The following ABHD3 variants were observed in gnomAD, a reference collection of about 807,000 sequenced individuals.
The protein encoded by ABHD3 is abhydrolase domain containing 3, phospholipase.
ABHD3 carries 46 observed loss-of-function variants against 48.8 expected under a neutral mutation model. The ratio of observed to expected loss-of-function variants is 0.94; its 90% CI spans 0.74 to 1.20. The LOEUF (loss-of-function observed/expected upper bound fraction) is 1.20, where lower values mean the gene tolerates loss of function less well. Ranked by LOEUF, ABHD3 falls within the 50% of genes most tolerant of loss-of-function variation. The pLI is 0.00. For synonymous variants in ABHD3, 192 were observed against 183.7 expected (o/e 1.04, Z -0.36); for missense variants, 490 against 497.8 (o/e 0.98, Z 0.15).
intron 8 of ABHD3, 60 bp from the exon 9 acceptor site, chr18:21,651,823 TTA>T: frequency 6.9e-7 from 1 of 1,448,332 alleles, no homozygotes. Flanking sequence ...AATATAATCA[TTA>T]TGTTTTTGTC....
intron 3 of ABHD3, among the ~76,000 whole-genome samples, chr18:21,685,650 T>C (rs2040113836): frequency 6.6e-6 from 1 of 152,212 alleles, no homozygotes; most frequent in South Asian, 2.1e-4. Context: ...TGCCTCAGCC[T>C]GCTGAGTAGC....
chr18:21,679,448 A>G (rs549588282), intron 4 of ABHD3, among the ~76,000 whole-genome samples: 1 of 152,374 alleles, frequency 6.6e-6, no homozygotes, highest in East Asian at 1.9e-4. Flanking sequence ...TTAAATGTAT[A>G]CTTCTTATAC....
chr18:21,674,107 G>T (rs945505563), intron 4 of ABHD3, among the ~76,000 whole-genome samples: 1 of 152,120 alleles, frequency 6.6e-6, no homozygotes, highest in Admixed American at 6.6e-5. Flanking sequence ...TCCTTGAAGT[G>T]TATGGGGAAG....
chr18:21,702,536 G>A, intron 2 of ABHD3, 38 bp from the exon 3 acceptor site: 2 of 1,438,552 alleles, frequency 1.4e-6, no homozygotes, highest in Non-Finnish European at 1.8e-6. Context: ...CTATTTACAT[G>A]TTTTAAGTCA....
intron 1 of ABHD3, among the ~76,000 whole-genome samples, 174 bp downstream of exon 1, chr18:21,704,330 G>A (rs1316393544): frequency 1.3e-5 from 2 of 152,086 alleles, no homozygotes; most frequent in African/African-American, 4.8e-5. Flanking sequence ...CAGGGGGCGG[G>A]CGAACGGGCG....
chr18:21,689,914 G>C (rs964271862), intron 3 of ABHD3, among the ~76,000 whole-genome samples: 79 of 152,236 alleles, frequency 5.2e-4, no homozygotes, highest in African/African-American at 1.8e-3. Flanking sequence ...AGAATCCAGA[G>C]TCTCTACAAT....
At chr18:21,683,326 A>G (rs2040049966) in intron 4 of ABHD3, among the ~76,000 whole-genome samples, 1 of 152,102 alleles carries the variant, frequency 6.6e-6, no homozygotes, top group African/African-American at 2.4e-5. Flanking sequence ...TTAGAGGGGG[A>G]AAAAAAGACC....
intron 4 of ABHD3, among the ~76,000 whole-genome samples, chr18:21,666,041 A>AT (rs1312316060): frequency 2.0e-5 from 3 of 150,766 alleles, no homozygotes; most frequent in African/African-American, 4.9e-5. Flanking sequence ...TATTTTATTT[A>AT]TTTTTTTTGA....
At chr18:21,666,115 C>T (rs1278643849) in intron 4 of ABHD3, among the ~76,000 whole-genome samples, 1 of 151,990 alleles carries the variant, frequency 6.6e-6, no homozygotes, top group Non-Finnish European at 1.5e-5. Flanking sequence ...CACTAGTACC[C>T]CTCTGCCTCC....
At chr18:21,683,846 G>T in intron 4 of ABHD3, 74 bp downstream of exon 4, 1 of 1,383,950 alleles carries the variant, frequency 7.2e-7, no homozygotes, top group South Asian at 1.5e-5. Context: ...TAAATAAAAA[G>T]AATATGCTTT....
chr18:21,699,357 T>C (rs1355351418), intron 3 of ABHD3, among the ~76,000 whole-genome samples: 1 of 152,198 alleles, frequency 6.6e-6, no homozygotes, highest in Non-Finnish European at 1.5e-5. Flanking sequence ...ACACATTCCG[T>C]CATATTACAC....
chr18:21,689,814 A>G (rs937159665), intron 3 of ABHD3, among the ~76,000 whole-genome samples: 57 of 152,162 alleles, frequency 3.7e-4, no homozygotes, highest in Admixed American at 3.7e-3. Flanking sequence ...GCAATTTACA[A>G]CAGAGGAGAG....
chr18:21,665,483 T>A (rs1390796334), intron 4 of ABHD3, among the ~76,000 whole-genome samples: 1 of 151,912 alleles, frequency 6.6e-6, no homozygotes, highest in Non-Finnish European at 1.5e-5. Flanking sequence ...TAAGTAATCC[T>A]CCCATCTTGG....
chr18:21,687,232 A>G (rs2040147564), intron 3 of ABHD3, among the ~76,000 whole-genome samples: 1 of 151,658 alleles, frequency 6.6e-6, no homozygotes, highest in Non-Finnish European at 1.5e-5. Context: ...TTTTTGAGAC[A>G]GAGTCTTGCT....
At chr18:21,670,987 C>T (rs1417975305) in intron 4 of ABHD3, among the ~76,000 whole-genome samples, 1 of 152,134 alleles carries the variant, frequency 6.6e-6, no homozygotes, top group Non-Finnish European at 1.5e-5. Flanking sequence ...GTACTCCAGC[C>T]TGGGTGACAG....
chr18:21,683,788 G>A lies in ABHD3; in HGVS notation c.555+132C>T, dbSNP rs577790768. On this transcript the variant is annotated intron_variant, in intron 4 of 8. Coordinates refer to ENST00000289119, the MANE Select transcript of ABHD3 (RefSeq NM_138340.5). ...GTAAATTTCCTTTTTTTCCATATCT[G>A]TATTTTTGTATAATAAATTTGTATT... The A allele has an allele frequency of 2.3e-5, 20 of 881,632 alleles. No homozygotes were observed. The East Asian group carries it at 6.2e-4, about 27-fold the overall frequency. 54.6% of individuals were successfully genotyped at this position (881,632 alleles called of 1,614,324 possible).
Position 21,664,224 on chromosome 18 carries a change from T to G in ABHD3, c.562A>C (p.Arg188=), listed in dbSNP as rs1367289272. ...TCAGTGTTAGCACAACAATAAGTCC[T>G]TGGCGTCTGGAAGTAGTGACAAGTA... is the stretch of plus-strand genomic sequence containing the variant. ...GVAGENLLTP[R]TYCCANTEDL... The change falls in exon 5 of 9, where the codon AGG becomes CGG. Residue 188 remains arginine (R), a synonymous_variant. Transcript: ENST00000289119. 3 of 1,610,956 alleles carry G rather than the reference T, an allele frequency of 1.9e-6. No individual in the cohort carries two copies. The East Asian group carries it at 6.7e-5, about 36-fold the overall frequency.
At chr18:21,679,853 TA>T (rs2039967929) in intron 4 of ABHD3, among the ~76,000 whole-genome samples, 1 of 151,892 alleles carries the variant, frequency 6.6e-6, no homozygotes, top group African/African-American at 2.4e-5. Flanking sequence ...TTTTTTAATT[TA>T]ATAGAGATGG....
chr18:21,659,264 T>C lies in ABHD3; in HGVS notation c.748A>G (p.Asn250Asp). 5 of 1,613,946 alleles carry C rather than the reference T, an allele frequency of 3.1e-6. No homozygotes were observed. The highest frequency in any genetic ancestry group is 1.6e-4 in the Middle Eastern group (1 of 6,062). The change falls in exon 6 of 9, where the codon AAC becomes GAC. Residue 250 changes from asparagine (N) to aspartate (D), a missense_variant. Coordinates refer to ENST00000289119, the MANE Select transcript of ABHD3 (RefSeq NM_138340.5). ...MAAATFSVGW[N>D]TFACSESLEK... ...AATGACTCTGAGCAAGCGAAGGTGT[T>C]CCAACCAACGGAAAAAGTTGCAGCT...
Sources: gnomAD v4.1 joint callset for allele counts (sites outside exome capture counted in the v4.1 genomes callset) on GRCh38, gnomAD v4.1.1 for gene constraint, MANE v1.5 for transcripts, NCBI Gene and HGNC (gene_info 2026-07-23, HGNC 2026-07-21) for gene names.